ST6GALNAC3: variants seen among roughly 807,000 people sequenced by gnomAD.
The protein encoded by ST6GALNAC3 is alpha-N-acetylgalactosaminide alpha-2,6-sialyltransferase 3.
A neutral mutation model predicts 32.7 loss-of-function variants in ST6GALNAC3; 25 were observed. That is an observed-to-expected ratio of 0.76 (90% CI 0.56 to 1.07). The LOEUF is 1.07. ST6GALNAC3 is among the 50% of genes least tolerant of loss of function. ST6GALNAC3 has a pLI of 0.00. For synonymous variants in ST6GALNAC3, 129 were observed against 133.1 expected, an observed-to-expected ratio of 0.97 and a Z score of 0.21; for missense variants, 355 against 382.4, an observed-to-expected ratio of 0.93 and a Z score of 0.60.
chr1:76,196,809 G>A (rs918531408), intron 1 of ST6GALNAC3, among the ~76,000 whole-genome samples: 4 of 152,062 alleles, frequency 2.6e-5, no homozygotes, highest in Non-Finnish European at 5.9e-5. Context: ...AAGATGCAAG[G>A]TTTGATGCCC....
chr1:76,180,976 C>T (rs7512081), intron 1 of ST6GALNAC3, among the ~76,000 whole-genome samples: 29,882 of 152,200 alleles, frequency 0.2, 3,048 homozygotes, highest in African/African-American at 0.22. Flanking sequence ...CCAGTTGACA[C>T]TTAAGCCATG....
intron 3 of ST6GALNAC3, among the ~76,000 whole-genome samples, chr1:76,539,146 A>G (rs531015723): frequency 1.3e-5 from 2 of 152,330 alleles, no homozygotes; most frequent in East Asian, 1.9e-4. Flanking sequence ...CCAAAACAGC[A>G]TGGTACTAGA....
intron 2 of ST6GALNAC3, among the ~76,000 whole-genome samples, chr1:76,348,595 C>T (rs1000573641): frequency 6.6e-6 from 1 of 152,060 alleles, no homozygotes; most frequent in Non-Finnish European, 1.5e-5. Context: ...TTTTTTCTTT[C>T]CTGAAAACCA....
intron 1 of ST6GALNAC3, among the ~76,000 whole-genome samples, chr1:76,198,320 G>C (rs1654325427): frequency 6.6e-6 from 1 of 152,206 alleles, no homozygotes; most frequent in African/African-American, 2.4e-5. Context: ...ACAGGTGTGA[G>C]CCACCATACC....
intron 2 of ST6GALNAC3, among the ~76,000 whole-genome samples, chr1:76,372,239 A>G (rs143098295): frequency 6.6e-6 from 1 of 152,172 alleles, no homozygotes; most frequent in Non-Finnish European, 1.5e-5. Context: ...CGGTACTGAA[A>G]CTGGGTGTGT....
chr1:76,078,021 T>C (rs927987836), intron 1 of ST6GALNAC3, among the ~76,000 whole-genome samples: 2 of 152,178 alleles, frequency 1.3e-5, no homozygotes, highest in African/African-American at 4.8e-5. Flanking sequence ...AGTAGAAGCA[T>C]GGAAGGAGAG....
chr1:76,409,216 T>C (rs770792287), intron 2 of ST6GALNAC3, among the ~76,000 whole-genome samples: 6 of 152,058 alleles, frequency 3.9e-5, no homozygotes, highest in Admixed American at 1.3e-4. Context: ...TATGGATCTA[T>C]TCCCATCTGG....
chr1:76,277,900 T>G (rs1480459059), intron 1 of ST6GALNAC3, among the ~76,000 whole-genome samples: 1 of 152,074 alleles, frequency 6.6e-6, no homozygotes, highest in African/African-American at 2.4e-5. Flanking sequence ...TCTATACATT[T>G]ACAATGAGCT....
chr1:76,339,547 A>T (rs563981904), intron 2 of ST6GALNAC3, among the ~76,000 whole-genome samples: 2 of 152,340 alleles, frequency 1.3e-5, no homozygotes, highest in Admixed American at 6.5e-5. Flanking sequence ...TTATTACAGC[A>T]GCAATGGGAA....
At chr1:76,313,758 G>C in intron 1 of ST6GALNAC3, 47 bp from the exon 2 acceptor site, 1 of 1,598,624 alleles carries the variant, frequency 6.3e-7, no homozygotes, top group Non-Finnish European at 8.6e-7. Flanking sequence ...GACTGCCTTT[G>C]GTTGAAAGTC....
chr1:76,466,385 A>G (rs1658630911), intron 3 of ST6GALNAC3, among the ~76,000 whole-genome samples: 3 of 152,090 alleles, frequency 2.0e-5, no homozygotes, highest in East Asian at 1.9e-4. Context: ...AATCCTGCAC[A>G]TAGCTCCCTA....
intron 1 of ST6GALNAC3, among the ~76,000 whole-genome samples, chr1:76,178,408 A>C (rs558754973): frequency 2.3e-4 from 35 of 152,328 alleles, no homozygotes; most frequent in African/African-American, 7.5e-4. Context: ...CAGAGGCCCT[A>C]ATGGTACAGA....
chr1:76,386,691 C>G (rs1367755611), intron 2 of ST6GALNAC3, among the ~76,000 whole-genome samples: 1 of 152,136 alleles, frequency 6.6e-6, no homozygotes, highest in Non-Finnish European at 1.5e-5. Context: ...TAGACCCCAA[C>G]ATTCCCTAGA....
chr1:76,113,867 C>G (rs1648267887), intron 1 of ST6GALNAC3, among the ~76,000 whole-genome samples: 1 of 151,838 alleles, frequency 6.6e-6, no homozygotes, highest in Admixed American at 6.6e-5. Flanking sequence ...GCTCTTGTCA[C>G]CCAGCTGGAG....
At chr1:76,319,397 G>T (rs1201539438) in intron 2 of ST6GALNAC3, among the ~76,000 whole-genome samples, 3 of 151,890 alleles carry the variant, frequency 2.0e-5, no homozygotes, top group African/African-American at 7.3e-5. Flanking sequence ...AGGATCAGTT[G>T]CTGTGACAGA....
chr1:76,496,542 CT>C (rs1272074037), intron 3 of ST6GALNAC3, among the ~76,000 whole-genome samples: 1 of 152,118 alleles, frequency 6.6e-6, no homozygotes, highest in African/African-American at 2.4e-5. Flanking sequence ...TGGAGCCATC[CT>C]GGACAGGCCC....
In ST6GALNAC3 at chr1:76,378,723, G is replaced by A. The variant is rs553351518; in HGVS notation, c.214-33285G>A. Among the ~76,000 whole-genome samples, 6 of 152,030 alleles carry A rather than the reference G, an allele frequency of 3.9e-5. No homozygotes were observed. The East Asian group carries it at 7.7e-4, about 20-fold the overall frequency. On this transcript the variant is annotated intron_variant, in intron 2 of 4. Coordinates refer to ENST00000328299, the MANE Select transcript of ST6GALNAC3 (RefSeq NM_152996.4). Reference sequence around the variant, plus strand: ...TAGTGTTTTTGTACAAAGGATCATCGTGGTATGATGGCGCTTCACACATGC... The same window carrying A: ...TAGTGTTTTTGTACAAAGGATCATCATGGTATGATGGCGCTTCACACATGC...
intron 2 of ST6GALNAC3, among the ~76,000 whole-genome samples, chr1:76,347,420 A>G (rs986125722): frequency 1.1e-4 from 16 of 151,730 alleles, no homozygotes; most frequent in Non-Finnish European, 7.4e-5. Context: ...AATCCACTTT[A>G]TTATTTTGTT....
chr1:76,155,877 T>G (rs1266574645), intron 1 of ST6GALNAC3, among the ~76,000 whole-genome samples: 1 of 152,232 alleles, frequency 6.6e-6, no homozygotes, highest in East Asian at 1.9e-4. Flanking sequence ...ACATTATTAT[T>G]AACTGAAGCC....
Sources: gnomAD v4.1 joint callset for allele counts (sites outside exome capture counted in the v4.1 genomes callset) on GRCh38, gnomAD v4.1.1 for gene constraint, MANE v1.5 for transcripts, NCBI Gene and HGNC (gene_info 2026-07-23, HGNC 2026-07-21) for gene names.